HLTF: variants seen among roughly 807,000 people sequenced by gnomAD.
HLTF encodes the protein DNA-dependent ATPase/E3 ubiquitin-protein ligase HLTF.
HLTF carries 127 observed loss-of-function variants against 129.4 expected under a neutral mutation model. The ratio of observed to expected loss-of-function variants is 0.98; its 90% confidence interval spans 0.85 to 1.14. The LOEUF (loss-of-function observed/expected upper bound fraction) is 1.14. Ranked by LOEUF, HLTF falls within the 50% of genes most tolerant of loss-of-function variation. The pLI, the probability that HLTF is intolerant of heterozygous loss-of-function variation, is 0.00. For missense variants in HLTF, 1,139 were observed against 1,187.1 expected (o/e 0.96, Z 0.60); for synonymous variants, 332 against 388.8 (o/e 0.85, Z 1.72).
chr3:149,080,087 C>T (rs1189471799), intron 2 of HLTF, among the ~76,000 whole-genome samples: 1 of 151,724 alleles, frequency 6.6e-6, no homozygotes, highest in Non-Finnish European at 1.5e-5. Context: ...GAGGCCAGAC[C>T]CAAATGCCAC....
chr3:149,071,267 A>G lies in HLTF; in HGVS notation c.879T>C (p.Ala293=). ...RPENVHGGIL[A]DDMGLGKTLT... is the part of the protein sequence containing the mutation. ...AAATAATTACCAAACCCATATCATC[A>G]GCTAAAATTCCTCCATGGACATTTT... Residue 293 remains alanine (A), a synonymous_variant, in exon 7 of 25, where the codon GCT becomes GCC. Coordinates refer to ENST00000310053, the MANE Select transcript of HLTF (RefSeq NM_003071.4). The G allele has an allele frequency of 6.3e-7, 1 of 1,577,288 alleles. No homozygotes were observed. The highest frequency in any genetic ancestry group is 8.6e-7 in the Non-Finnish European group (1 of 1,162,192).
intron 10 of HLTF, among the ~76,000 whole-genome samples, chr3:149,061,876 C>T (rs1717987147): frequency 6.6e-6 from 1 of 151,324 alleles, no homozygotes; most frequent in African/African-American, 2.4e-5. Context: ...AAAGAATTGG[C>T]TCTTATCAAA....
intron 18 of HLTF, among the ~76,000 whole-genome samples, chr3:149,043,140 A>C (rs1399051050): frequency 2.0e-5 from 3 of 152,024 alleles, no homozygotes; most frequent in Non-Finnish European, 4.4e-5. Flanking sequence ...CTTTGAAAAA[A>C]TATGGCAAGA....
chr3:149,035,256 T>C lies in HLTF; in HGVS notation c.2797-258A>G, dbSNP rs111660642. Among the ~76,000 whole-genome samples the C allele has an allele frequency of 3.3e-4, 50 of 152,248 alleles. 1 individual carries two copies. The highest frequency in any genetic ancestry group is 1.0e-3 in the African/African-American group (43 of 41,538). On this transcript the variant is annotated intron_variant, in intron 23 of 24. Transcript: ENST00000310053. ...ATGTATCAGCACCCAAAATAAGTAT[T>C]TGTTGATTAATCAATTTGGTTTTTT...
At chr3:149,032,958 A>AG (rs1715246364) in intron 24 of HLTF, among the ~76,000 whole-genome samples, 1 of 81,680 alleles carries the variant, frequency 1.2e-5, no homozygotes, top group African/African-American at 8.8e-5. Context: ...GCGACGTCTC[A>AG]AAAAAAAAAA....
chr3:149,063,053 A>C (rs945630080), intron 10 of HLTF: 38 of 456,178 alleles, frequency 8.3e-5, no homozygotes, highest in Admixed American at 4.5e-4. Context: ...GGTCATCTCT[A>C]TCTCTCTCTT....
intron 2 of HLTF, among the ~76,000 whole-genome samples, chr3:149,084,137 T>C (rs1013294124): frequency 3.3e-5 from 5 of 152,138 alleles, no homozygotes; most frequent in Admixed American, 2.6e-4. Flanking sequence ...AGTATGAAAA[T>C]ATAAAAACTT....
At chr3:149,042,947 C>CA (rs1323649348) in intron 18 of HLTF, among the ~76,000 whole-genome samples, 1 of 151,882 alleles carries the variant, frequency 6.6e-6, no homozygotes, top group African/African-American at 2.4e-5. Context: ...TCAAGATATT[C>CA]AAATATAAGT....
In HLTF at chr3:149,046,377, TTAAAATCCCTTATTTGGG is replaced by T; in HGVS notation, c.1893-136_1893-119del. On this transcript the variant is annotated intron_variant, in intron 17 of 24. Coordinates refer to ENST00000310053, the MANE Select transcript of HLTF (RefSeq NM_003071.4). ...TTTTATAGCTTCTGTAAAAGTGTTT[TTAAAATCCCTTATTTGGG>T]ATTTTAACCAATCTGATAATCACAG... is the stretch of plus-strand genomic sequence containing the variant. 8.9e-6 allele frequency: 5 copies of T among 558,696 alleles called. No individual in the cohort carries two copies. The South Asian group carries it at 1.7e-4, about 19-fold the overall frequency. The allele number at this position is 558,696 out of a possible 1,614,324, so 34.6% of individuals were successfully genotyped here. A position where few individuals can be genotyped will look rare whatever the true frequency, so the allele number is the denominator to read the frequency against.
intron 8 of HLTF, among the ~76,000 whole-genome samples, chr3:149,066,061 TC>T (rs1718356158): frequency 1.3e-5 from 2 of 152,108 alleles, no homozygotes; most frequent in African/African-American, 4.8e-5. Flanking sequence ...TTTTTTTTTT[TC>T]TGAGACAGAG....
Position 149,032,390 on chromosome 3 carries a change from AAAGTT to A in HLTF, c.2878-23_2878-19del, listed in dbSNP as rs769873051. Reference sequence around the variant, plus strand: ...ACAATGAACTTTAAAAAGAAAAAAAAAAGTTAAGTAGTTTTTAAGGCATAGTATTT... The same window carrying A: ...ACAATGAACTTTAAAAAGAAAAAAAAAAGTAGTTTTTAAGGCATAGTATTT... On this transcript the variant is annotated intron_variant, in intron 24 of 24. Coordinates refer to ENST00000310053, the MANE Select transcript of HLTF (RefSeq NM_003071.4). 1.5e-5 allele frequency: 21 copies of A among 1,410,134 alleles called. No individual in the cohort carries two copies. In the Admixed American group the frequency reaches 2.0e-4, roughly 13 times the overall value. The allele number at this position is 1,410,134 out of a possible 1,614,324, so 87.4% of individuals were successfully genotyped here.
Position 149,071,347 on chromosome 3 carries a change from G to C in HLTF, c.799C>G (p.Arg267Gly). The change falls in exon 7 of 25, where the codon CGA (arginine) becomes GGA (glycine). Residue 267 changes from arginine to glycine, a missense_variant. Physicochemically the swap from Arg to Gly is moderately radical, Grantham distance 125. Transcript: ENST00000310053. ...SKELPPFWEQ[R>G]NDLYYNTITN... ...ATTGTGTTATAGTATAAGTCATTTC[G>C]CTGTTCCCAGAATGGTGGAAGTTCT... 1 of 1,611,764 alleles carries C rather than the reference G, an allele frequency of 6.2e-7. No homozygotes were observed. Among genetic ancestry groups the C allele is most frequent in the Non-Finnish European group, 8.5e-7 (1 of 1,177,958 alleles).
intron 18 of HLTF, among the ~76,000 whole-genome samples, chr3:149,045,641 G>A (rs1444034417): frequency 2.0e-5 from 3 of 152,098 alleles, no homozygotes; most frequent in African/African-American, 7.2e-5. Context: ...CCCTTTCACA[G>A]TCCTATTCTG....
At position 149,032,020 on chromosome 3, in the gene HLTF, C is replaced by T. The variant is rs944499307; in HGVS notation, c.*200G>A. On this transcript the variant is annotated 3_prime_UTR_variant, in exon 25 of 25. Transcript: ENST00000310053. ...AATTATTTCAGGCCACAGTATATAA[C>T]GGAACTTATTGCTATTTGAAGTTTC... 2.5e-5 allele frequency: 10 copies of T among 393,436 alleles called. No individual in the cohort carries two copies. Among genetic ancestry groups the T allele is most frequent in the African/African-American group, 1.3e-4 (6 of 47,982 alleles). 24.4% of individuals were successfully genotyped at this position (393,436 alleles called of 1,614,324 possible).
chr3:149,077,873 G>A (rs752496033), intron 2 of HLTF, among the ~76,000 whole-genome samples: 2 of 152,058 alleles, frequency 1.3e-5, no homozygotes, highest in African/African-American at 4.8e-5. Flanking sequence ...ATTAGTTCCA[G>A]CACAATCATC....
At position 149,039,032 on chromosome 3, in the gene HLTF, T is replaced by C; in HGVS notation, c.2796+17A>G. The C allele has an allele frequency of 6.9e-7, 1 of 1,450,458 alleles. No homozygotes were observed. The highest frequency in any genetic ancestry group is 9.2e-7 in the Non-Finnish European group (1 of 1,089,274). The allele number at this position is 1,450,458 out of a possible 1,614,324, so 89.8% of individuals were successfully genotyped here. A position where few individuals can be genotyped will look rare whatever the true frequency, so the allele number is the denominator to read the frequency against. Reference sequence around the variant, plus strand: ...AAGAAGTACTAAGATTCTGAAAAAATTTACAGAACTACTTACTGGATCCAT... The same window carrying C: ...AAGAAGTACTAAGATTCTGAAAAAACTTACAGAACTACTTACTGGATCCAT... On this transcript the variant is annotated intron_variant, in intron 23 of 24. Coordinates refer to ENST00000310053, the MANE Select transcript of HLTF (RefSeq NM_003071.4).
Position 149,034,917 on chromosome 3 carries a change from C to A in HLTF, c.2877+1G>T, listed in dbSNP as rs1354098978. 6.2e-7 allele frequency: 1 copy of A among 1,607,062 alleles called. No homozygotes were observed. The highest frequency in any genetic ancestry group is 2.2e-5 in the East Asian group (1 of 44,834). On this transcript the variant is annotated splice_donor_variant, in intron 24 of 24. Coordinates refer to ENST00000310053, the MANE Select transcript of HLTF (RefSeq NM_003071.4). LOFTEE classifies it high-confidence loss of function. ...TTAAAATAGTTTGTTTAAAAACTCA[C>A]TTTTGTGATGATAACTTCTTGCTTC...
At chr3:149,084,537 G>A in intron 2 of HLTF, 145 bp downstream of exon 2, 2 of 646,784 alleles carry the variant, frequency 3.1e-6, no homozygotes, top group Non-Finnish European at 5.2e-6. Context: ...GGTCACTTAA[G>A]GTATTTGTTA....
intron 2 of HLTF, among the ~76,000 whole-genome samples, chr3:149,083,155 G>A (rs1390652199): frequency 2.0e-5 from 3 of 152,066 alleles, no homozygotes; most frequent in Non-Finnish European, 4.4e-5. Flanking sequence ...GGAGGCTGTT[G>A]CAGGAGAACC....
Sources: gnomAD v4.1 joint callset for allele counts (sites outside exome capture counted in the v4.1 genomes callset) on GRCh38, gnomAD v4.1.1 for gene constraint, MANE v1.5 for transcripts, NCBI Gene and HGNC (gene_info 2026-07-23, HGNC 2026-07-21) for gene names.